The following RAD51B variants were observed in gnomAD, a reference collection of about 807,000 sequenced individuals.
RAD51B encodes RAD51 paralog B.
Under a neutral mutation model 42.2 loss-of-function variants are expected in RAD51B, and 38 were observed. The observed-to-expected ratio is 0.90, with a 90% CI of 0.70 to 1.18. The LOEUF (loss-of-function observed/expected upper bound fraction) is 1.18, where lower values mean the gene tolerates loss of function less well. Ranked by LOEUF, RAD51B falls within the 50% of genes most tolerant of loss-of-function variation. The pLI is 0.00. For synonymous variants in RAD51B, 154 were observed against 145.2 expected, an observed-to-expected ratio of 1.06 and a Z score of -0.43; for missense variants, 373 against 400.7, an observed-to-expected ratio of 0.93 and a Z score of 0.59.
intron 10 of RAD51B, among the ~76,000 whole-genome samples, chr14:68,580,271 C>T (rs867975397): frequency 6.6e-6 from 1 of 152,210 alleles, no homozygotes; most frequent in African/African-American, 2.4e-5. Context: ...CCCACCTCTT[C>T]GCCTCCTGCT....
intron 7 of RAD51B, among the ~76,000 whole-genome samples, chr14:67,930,246 A>G (rs1272429765): frequency 1.3e-5 from 2 of 151,762 alleles, no homozygotes; most frequent in African/African-American, 2.4e-5. Flanking sequence ...CTGGTTTTCT[A>G]TGGTGGTATC....
chr14:68,171,510 C>G (rs573169417), intron 7 of RAD51B, among the ~76,000 whole-genome samples: 1 of 151,640 alleles, frequency 6.6e-6, no homozygotes, highest in African/African-American at 2.4e-5. Context: ...CATGTTGGCC[C>G]GGCTCGTCTC....
At chr14:67,828,807 GTCTTAT>G (rs2040924887) in intron 3 of RAD51B, among the ~76,000 whole-genome samples, 1 of 152,096 alleles carries the variant, frequency 6.6e-6, no homozygotes, top group Admixed American at 6.5e-5. Flanking sequence ...TAGGTGTGCG[GTCTTAT>G]TTCTGAGTTC....
chr14:68,575,690 G>A (rs1393518546), intron 10 of RAD51B, among the ~76,000 whole-genome samples: 1 of 152,208 alleles, frequency 6.6e-6, no homozygotes, highest in Non-Finnish European at 1.5e-5. Context: ...AGAAGCTTCA[G>A]GAGCAGCAGT....
At chr14:68,644,534 A>G (rs1023939776) in intron 10 of RAD51B, among the ~76,000 whole-genome samples, 4 of 152,240 alleles carry the variant, frequency 2.6e-5, no homozygotes, top group African/African-American at 9.6e-5. Context: ...CTGCCTAGAA[A>G]CAGGGCCCAG....
chr14:68,608,552 G>A (rs1891548170), intron 10 of RAD51B, among the ~76,000 whole-genome samples: 1 of 152,210 alleles, frequency 6.6e-6, no homozygotes, highest in Non-Finnish European at 1.5e-5. Context: ...GAGGAGAGCA[G>A]CTGCAGGTAG....
At chr14:68,214,781 A>G (rs905255452) in intron 7 of RAD51B, among the ~76,000 whole-genome samples, 1 of 152,234 alleles carries the variant, frequency 6.6e-6, no homozygotes, top group Non-Finnish European at 1.5e-5. Flanking sequence ...TGCAACAAAT[A>G]CAGCTCGTGT....
chr14:68,488,196 T>G (rs1883777618), intron 10 of RAD51B, among the ~76,000 whole-genome samples: 1 of 135,544 alleles, frequency 7.4e-6, no homozygotes, highest in Non-Finnish European at 1.6e-5. Flanking sequence ...CTTTAGGGTT[T>G]GTCTTTTTTT....
intron 7 of RAD51B, among the ~76,000 whole-genome samples, chr14:68,161,426 AGCATAGGTCACAT>A (rs1232045230): frequency 6.6e-5 from 10 of 152,228 alleles, no homozygotes; most frequent in Non-Finnish European, 1.3e-4. Flanking sequence ...TAATTGGCCC[AGCATAGGTCACAT>A]GCACATCCCT....
intron 8 of RAD51B, among the ~76,000 whole-genome samples, chr14:68,343,606 G>A (rs576557680): frequency 6.6e-6 from 1 of 152,258 alleles, no homozygotes; most frequent in African/African-American, 2.4e-5. Context: ...AATACAAGCA[G>A]GCTGAGGAAC....
At chr14:68,549,409 A>ATTTTTG (rs1888402161) in intron 10 of RAD51B, among the ~76,000 whole-genome samples, 1 of 63,578 alleles carries the variant, frequency 1.6e-5, no homozygotes, top group Non-Finnish European at 3.3e-5. Flanking sequence ...CCCTGGACAC[A>ATTTTTG]TTTTTTTTTT....
chr14:68,275,465 A>G (rs1237856011), intron 7 of RAD51B, among the ~76,000 whole-genome samples: 1 of 152,118 alleles, frequency 6.6e-6, no homozygotes, highest in Non-Finnish European at 1.5e-5. Context: ...AGTGGAACAA[A>G]TAAGGGGACT....
intron 7 of RAD51B, among the ~76,000 whole-genome samples, chr14:68,146,688 G>T (rs1408927610): frequency 1.3e-5 from 2 of 152,176 alleles, no homozygotes; most frequent in Non-Finnish European, 2.9e-5. Flanking sequence ...TCCTTCATAT[G>T]AAACCATTAA....
chr14:68,428,705 CTTTATATA>C (rs2084914493), intron 9 of RAD51B, among the ~76,000 whole-genome samples: 4 of 103,418 alleles, frequency 3.9e-5, no homozygotes, highest in African/African-American at 1.3e-4. Context: ...GCAGGATTTT[CTTTATATA>C]TATATATATA....
chr14:68,647,591 G>A (rs1033661969), intron 10 of RAD51B, among the ~76,000 whole-genome samples: 1 of 152,146 alleles, frequency 6.6e-6, no homozygotes, highest in African/African-American at 2.4e-5. Context: ...GGGACTACAT[G>A]AGGCAGAATT....
intron 9 of RAD51B, among the ~76,000 whole-genome samples, chr14:68,445,534 C>G (rs1182097230): frequency 6.6e-6 from 1 of 152,050 alleles, no homozygotes; most frequent in African/African-American, 2.4e-5. Flanking sequence ...AAACTCAATC[C>G]CAAAGAGATT....
intron 8 of RAD51B, among the ~76,000 whole-genome samples, chr14:68,315,117 C>T (rs533703062): frequency 2.6e-5 from 4 of 152,260 alleles, no homozygotes; most frequent in South Asian, 4.1e-4. Flanking sequence ...ACTGAGCTCC[C>T]GAAGCACTGA....
Position 68,494,562 on chromosome 14 carries a change from T to C in RAD51B, c.1036+26312T>C, listed in dbSNP as rs371291079. ...AGTTTCACCATCAGTGAGGCGTCAGTCTAGATGGGCACTTTCTTTCCACTG... is the reference window on the plus strand; with the variant it reads ...AGTTTCACCATCAGTGAGGCGTCAGCCTAGATGGGCACTTTCTTTCCACTG... On this transcript the variant is annotated intron_variant, in intron 10 of 10. Transcript: ENST00000487270. 9.9e-5 allele frequency among the ~76,000 whole-genome samples: 15 copies of C among 152,272 alleles called. No homozygotes were observed. The South Asian group carries it at 1.5e-3, about 15-fold the overall frequency.
At chr14:68,413,984 G>A (rs17105586) in intron 9 of RAD51B, among the ~76,000 whole-genome samples, 1 of 151,492 alleles carries the variant, frequency 6.6e-6, no homozygotes, top group African/African-American at 2.4e-5. Flanking sequence ...AGGGATCAAG[G>A]TTATGGGATG....
Sources: gnomAD v4.1 joint callset for allele counts (sites outside exome capture counted in the v4.1 genomes callset) on GRCh38, gnomAD v4.1.1 for gene constraint, MANE v1.5 for transcripts, NCBI Gene and HGNC (gene_info 2026-07-23, HGNC 2026-07-21) for gene names.